SPMIP7: variants seen among roughly 807,000 people sequenced by gnomAD.
SPMIP7 encodes the protein protein SPMIP7.
At chr7:50,120,264 C>CA in the SPMIP7 span, 1 of 152,132 alleles carries the variant, frequency 6.6e-6, no homozygotes, top group East Asian at 1.9e-4. Context: ...TAACGAGGTT[C>CA]CTGGATGCTC....
the SPMIP7 span, among the ~76,000 whole-genome samples, chr7:50,131,320 C>T: frequency 2.6e-5 from 4 of 152,150 alleles, no homozygotes; most frequent in Non-Finnish European, 5.9e-5. Flanking sequence ...GCTGGATGTA[C>T]TGAGGTTGCC....
chr7:50,097,728 ATAAG>A, the SPMIP7 span, among the ~76,000 whole-genome samples: 4 of 151,790 alleles, frequency 2.6e-5, no homozygotes, highest in African/African-American at 4.8e-5. Context: ...TCGTAAGATA[ATAAG>A]TAAGGGCCAT....
the SPMIP7 span, among the ~76,000 whole-genome samples, chr7:50,112,381 C>T: frequency 6.6e-6 from 1 of 152,036 alleles, no homozygotes; most frequent in Admixed American, 6.6e-5. Flanking sequence ...TAAATCTTTG[C>T]TGAAGGAGAC....
At chr7:50,121,307 C>T in the SPMIP7 span, 10 of 152,322 alleles carry the variant, frequency 6.6e-5, no homozygotes, top group Non-Finnish European at 1.3e-4. Flanking sequence ...AACTAACCTA[C>T]GTATGTAATA....
At chr7:50,103,308 G>A in the SPMIP7 span, among the ~76,000 whole-genome samples, 1 of 152,070 alleles carries the variant, frequency 6.6e-6, no homozygotes, top group Non-Finnish European at 1.5e-5. Context: ...AAGCCCCCAT[G>A]GGATAGGAGA....
the SPMIP7 span, chr7:50,120,279 T>C: frequency 6.6e-6 from 1 of 152,212 alleles, no homozygotes; most frequent in African/African-American, 2.4e-5. Context: ...ATGCTCACTC[T>C]TGTTGGTAGA....
chr7:50,153,018 G>A, the SPMIP7 span, among the ~76,000 whole-genome samples: 3 of 152,094 alleles, frequency 2.0e-5, no homozygotes, highest in Non-Finnish European at 2.9e-5. Context: ...TCAATTCTGG[G>A]CCAGGCACTG....
the SPMIP7 span, chr7:50,096,092 G>A: frequency 6.8e-7 from 1 of 1,473,592 alleles, no homozygotes; most frequent in Non-Finnish European, 9.0e-7. Flanking sequence ...GGCCATGGAT[G>A]TAGAAATTCA....
chr7:50,157,179 G>A, the SPMIP7 span, among the ~76,000 whole-genome samples: 3 of 152,196 alleles, frequency 2.0e-5, no homozygotes, highest in African/African-American at 7.2e-5. Context: ...AAATGTTGAT[G>A]CCAAGGGGTC....
chr7:50,131,923 C>T, the SPMIP7 span, among the ~76,000 whole-genome samples: 2 of 152,108 alleles, frequency 1.3e-5, no homozygotes, highest in Admixed American at 6.6e-5. Context: ...CAAAGCACTC[C>T]ATATCTGCCC....
At chr7:50,130,549 C>T in the SPMIP7 span, among the ~76,000 whole-genome samples, 2 of 151,964 alleles carry the variant, frequency 1.3e-5, no homozygotes, top group African/African-American at 4.8e-5. Context: ...CACAGCCAAA[C>T]CATATCAAAA....
chr7:50,138,224 C>T, the SPMIP7 span, among the ~76,000 whole-genome samples: 2 of 152,134 alleles, frequency 1.3e-5, no homozygotes, highest in African/African-American at 4.8e-5. Context: ...ATTATGCTAG[C>T]TCAGTTTAAT....
At chr7:50,144,949 G>A in the SPMIP7 span, among the ~76,000 whole-genome samples, 1 of 151,678 alleles carries the variant, frequency 6.6e-6, no homozygotes, top group African/African-American at 2.4e-5. Flanking sequence ...GAAAGTTAAG[G>A]TAAGACTGAG....
At chr7:50,157,210 C>A in the SPMIP7 span, among the ~76,000 whole-genome samples, 1 of 152,168 alleles carries the variant, frequency 6.6e-6, no homozygotes, top group Non-Finnish European at 1.5e-5. Context: ...TACTCCCACA[C>A]CATATTTGGA....
chr7:50,146,969 T>C, the SPMIP7 span, among the ~76,000 whole-genome samples: 4 of 152,212 alleles, frequency 2.6e-5, no homozygotes, highest in Non-Finnish European at 4.4e-5. Context: ...TGAGGATGCC[T>C]GAGAAAACTT....
chr7:50,140,072 A>G, the SPMIP7 span: 2 of 1,053,156 alleles, frequency 1.9e-6, no homozygotes, highest in Non-Finnish European at 2.7e-6. Flanking sequence ...TTAGAGAAAT[A>G]CTGTAATAAT....
the SPMIP7 span, among the ~76,000 whole-genome samples, chr7:50,109,217 A>C: frequency 5.9e-5 from 9 of 152,182 alleles, no homozygotes; most frequent in Non-Finnish European, 1.3e-4. Flanking sequence ...TATGGCTCAG[A>C]AATAGTTTTA....
the SPMIP7 span, among the ~76,000 whole-genome samples, chr7:50,137,569 C>T: frequency 6.6e-6 from 1 of 152,066 alleles, no homozygotes; most frequent in Non-Finnish European, 1.5e-5. Context: ...GTGTACTTCT[C>T]TGCTTTTTAA....
the SPMIP7 span, among the ~76,000 whole-genome samples, chr7:50,121,826 G>GT: frequency 1.5e-4 from 17 of 111,204 alleles, no homozygotes; most frequent in African/African-American, 4.7e-4. Context: ...GCTAATTTTT[G>GT]TTTTTTTTCT....
Sources: gnomAD v4.1 joint callset for allele counts (sites outside exome capture counted in the v4.1 genomes callset) on GRCh38, gnomAD v4.1.1 for gene constraint, MANE v1.5 for transcripts, NCBI Gene and HGNC (gene_info 2026-07-23, HGNC 2026-07-21) for gene names.